INTS6: variants seen among roughly 807,000 people sequenced by gnomAD.
The protein encoded by INTS6 is DEAD box protein.
Under a neutral mutation model 104.9 loss-of-function variants are expected in INTS6, and 16 were observed. The ratio of observed to expected loss-of-function variants is 0.15; its 90% confidence interval spans 0.10 to 0.23. The LOEUF is 0.23. Ranked by LOEUF, INTS6 falls within the 10% of genes least tolerant of loss-of-function variation. INTS6 has a pLI of 1.00. For missense variants in INTS6, 584 were observed against 1,062.8 expected (o/e 0.55, Z 6.26); for synonymous variants, 324 against 358.7 (o/e 0.90, Z 1.09).
At chr13:51,357,486 C>T (rs1593647240), downstream of INTS6, among the ~76,000 whole-genome samples, 1 of 152,146 alleles carries the variant, frequency 6.6e-6, no homozygotes, top group South Asian at 2.1e-4. Flanking sequence ...ACTGATGGAA[C>T]TCCAACCACC....
Position 51,379,440 on chromosome 13 carries a change from T to C in INTS6, c.1386+22A>G. ...AAAACCATTCAAAATACTTAATGGC[T>C]CACTCTATTTCTTGATATTACCTGT... is the stretch of plus-strand genomic sequence containing the variant. On this transcript the variant is annotated intron_variant, in intron 11 of 17. Coordinates refer to ENST00000311234, the MANE Select transcript of INTS6 (RefSeq NM_012141.3). 2.1e-6 allele frequency: 3 copies of C among 1,405,490 alleles called. No homozygotes were observed. The South Asian group carries it at 3.7e-5, about 17-fold the overall frequency. The allele number at this position is 1,405,490 out of a possible 1,614,324, so 87.1% of individuals were successfully genotyped here.
chr13:51,353,383 T>G (rs928708465), downstream of INTS6, among the ~76,000 whole-genome samples: 1 of 152,188 alleles, frequency 6.6e-6, no homozygotes, highest in African/African-American at 2.4e-5. Flanking sequence ...AAGGATTCAT[T>G]CATTTAATCT....
At chr13:51,372,550 C>A (rs1466783852) in intron 15 of INTS6, among the ~76,000 whole-genome samples, 1 of 152,148 alleles carries the variant, frequency 6.6e-6, no homozygotes, top group African/African-American at 2.4e-5. Flanking sequence ...TCTCATACTA[C>A]CCCTCTAGCC....
intron 13 of INTS6, among the ~76,000 whole-genome samples, chr13:51,375,318 C>T (rs886225414): frequency 6.7e-6 from 1 of 149,214 alleles, no homozygotes; most frequent in Non-Finnish European, 1.5e-5. Context: ...CACCACTGCA[C>T]TCCAGCCTGG....
At chr13:51,429,785 A>AAAAAAAAAAAAAAATATATATAT (rs1156333077) in intron 4 of INTS6, among the ~76,000 whole-genome samples, 1 of 92,356 alleles carries the variant, frequency 1.1e-5, no homozygotes, top group Non-Finnish European at 2.0e-5. Flanking sequence ...AAAAAAAAAA[A>AAAAAAAAAAAAAAATATATATAT]ATATATATAT....
At chr13:51,376,016 T>C in intron 13 of INTS6, 32 bp downstream of exon 13, 2 of 1,554,034 alleles carry the variant, frequency 1.3e-6, no homozygotes, top group Non-Finnish European at 1.7e-6. Flanking sequence ...GAAAAAAAAT[T>C]AAAAATACCA....
intron 9 of INTS6, 62 bp downstream of exon 9, chr13:51,383,267 A>G: frequency 7.1e-7 from 1 of 1,417,772 alleles, no homozygotes; most frequent in Non-Finnish European, 9.5e-7. Flanking sequence ...AACTACAAAG[A>G]AATGCGCTTT....
rs933413735 is a variant in INTS6 at position 51,365,488 on chromosome 13, A to C, written c.*264T>G. 5.0e-6 allele frequency: 1 copy of C among 201,588 alleles called. No homozygotes were observed. Among genetic ancestry groups the C allele is most frequent in the Admixed American group, 5.8e-5 (1 of 17,286 alleles). The allele number at this position is 201,588 out of a possible 1,614,324, so 12.5% of individuals were successfully genotyped here. A position where few individuals can be genotyped will look rare whatever the true frequency, so the allele number is the denominator to read the frequency against. On this transcript the variant is annotated 3_prime_UTR_variant, in exon 18 of 18. Coordinates refer to ENST00000311234, the MANE Select transcript of INTS6 (RefSeq NM_012141.3). Reference sequence around the variant, plus strand: ...GAGGGAAATTGACACGCAAGAGTCAATGACAAGCAAGAGATTTGGAGGAAT... The same window carrying C: ...GAGGGAAATTGACACGCAAGAGTCACTGACAAGCAAGAGATTTGGAGGAAT...
intron 4 of INTS6, among the ~76,000 whole-genome samples, chr13:51,423,979 A>C (rs1221241682): frequency 6.6e-6 from 1 of 152,110 alleles, no homozygotes; most frequent in Non-Finnish European, 1.5e-5. Flanking sequence ...CAAAATTTCC[A>C]GAATAAGAAC....
intron 3 of INTS6, among the ~76,000 whole-genome samples, chr13:51,431,649 G>A (rs1187546040): frequency 6.6e-6 from 1 of 152,130 alleles, no homozygotes; most frequent in Non-Finnish European, 1.5e-5. Context: ...AAAGTGGGAA[G>A]GGGGACATGT....
chr13:51,397,626 A>G lies in INTS6; in HGVS notation c.430-2143T>C, dbSNP rs539129185. 3.3e-5 allele frequency among the ~76,000 whole-genome samples: 5 copies of G among 152,222 alleles called. No homozygotes were observed. In the South Asian group the frequency reaches 1.0e-3, roughly 32 times the overall value. ...TACATCATCTCCTTTTACCCTTTAA[A>G]CCACCTTTAAAGTATTTGGGAAACA... is the stretch of plus-strand genomic sequence containing the variant. On this transcript the variant is annotated intron_variant, in intron 4 of 17. Transcript: ENST00000311234.
At chr13:51,354,923 G>C in intron 3 of INTS6, 2 of 631,002 alleles carry the variant, frequency 3.2e-6, no homozygotes, top group Non-Finnish European at 5.7e-6. Context: ...GATGAAGCTG[G>C]AAATAAATCT....
At chr13:51,367,688 G>A in intron 17 of INTS6, 117 bp downstream of exon 17, 1 of 545,414 alleles carries the variant, frequency 1.8e-6, no homozygotes, top group Non-Finnish European at 3.2e-6. Flanking sequence ...TTATATGTTG[G>A]TATGCCATAT....
intron 4 of INTS6, among the ~76,000 whole-genome samples, chr13:51,405,784 G>A (rs1035672776): frequency 2.6e-5 from 4 of 152,110 alleles, no homozygotes; most frequent in Admixed American, 1.3e-4. Flanking sequence ...CAAAGCCCCA[G>A]ACATATAAAT....
intron 12 of INTS6, 111 bp downstream of exon 12, chr13:51,378,128 A>G: frequency 2.6e-6 from 2 of 770,154 alleles, no homozygotes; most frequent in Non-Finnish European, 4.5e-6. Context: ...AAGAGTACAG[A>G]AGTACTCTTT....
rs1429665673 is a variant in INTS6, at chr13:51,361,678, A to G, written c.*4074T>C. 4.5e-5 allele frequency: 36 copies of G among 793,648 alleles called. No homozygotes were observed. The highest frequency in any genetic ancestry group is 6.6e-5 in the Non-Finnish European group (34 of 517,016). The allele number at this position is 793,648 out of a possible 1,614,324, so 49.2% of individuals were successfully genotyped here. ...CTTTAATTTTCCCATCTGCACCCCC[A>G]TCACAACAGTAAACAATCAAATGCC... On this transcript the variant is annotated 3_prime_UTR_variant, in exon 18 of 18. Coordinates refer to ENST00000311234, the MANE Select transcript of INTS6 (RefSeq NM_012141.3).
At chr13:51,376,991 C>A (rs1048285016) in intron 12 of INTS6, among the ~76,000 whole-genome samples, 2 of 152,164 alleles carry the variant, frequency 1.3e-5, no homozygotes, top group Non-Finnish European at 2.9e-5. Flanking sequence ...AAGAAAATAT[C>A]AACTATTTTC....
chr13:51,389,290 G>A (rs1378074960), intron 6 of INTS6, 29 bp downstream of exon 6: 2 of 1,599,924 alleles, frequency 1.3e-6, no homozygotes, highest in South Asian at 2.3e-5. Context: ...AGCAAGTTTT[G>A]AATGTCTAAA....
At chr13:51,451,482 A>C (rs1266069356) in intron 2 of INTS6, 1 of 173,066 alleles carries the variant, frequency 5.8e-6, no homozygotes, top group Non-Finnish European at 1.2e-5. Context: ...TGGGAGCCGG[A>C]CTTAGGAAGT....
Sources: gnomAD v4.1 joint callset for allele counts (sites outside exome capture counted in the v4.1 genomes callset) on GRCh38, gnomAD v4.1.1 for gene constraint, MANE v1.5 for transcripts, NCBI Gene and HGNC (gene_info 2026-07-23, HGNC 2026-07-21) for gene names.